The following TTC7B variants were observed in gnomAD, a reference collection of about 807,000 sequenced individuals.
TTC7B encodes the protein tetratricopeptide repeat domain 7B, also known as tetratricopeptide repeat protein 7B.
Under a neutral mutation model 106.8 loss-of-function variants are expected in TTC7B, and 28 were observed. That is an observed-to-expected ratio of 0.26 (90% CI 0.19 to 0.36). TTC7B has a LOEUF of 0.36. Ranked by LOEUF, TTC7B falls within the 10% of genes least tolerant of loss-of-function variation. The pLI is 1.00. For missense variants in TTC7B, 862 were observed against 1,076.4 expected, an observed-to-expected ratio of 0.80 and a Z score of 2.79; for synonymous variants, 405 against 430.6, an observed-to-expected ratio of 0.94 and a Z score of 0.74.
intron 1 of TTC7B, among the ~76,000 whole-genome samples, chr14:90,799,932 C>T (rs1004506882): frequency 1.3e-5 from 2 of 152,058 alleles, no homozygotes; most frequent in Non-Finnish European, 2.9e-5. Context: ...TGGGGTCATG[C>T]CATTCTCCTG....
chr14:90,537,168 G>A lies in TTC7B; in HGVS notation c.*4200C>T, dbSNP rs1216891094. 6.6e-6 allele frequency: 1 copy of A among 152,214 alleles called. No individual in the cohort carries two copies. Among genetic ancestry groups the A allele is most frequent in the African/African-American group, 2.4e-5 (1 of 41,450 alleles). 9.4% of individuals were successfully genotyped at this position (152,214 alleles called of 1,614,324 possible). ...GAATAAATTTGTGTTAAGACGCTAAGTTTGCGGTCATTTAAAATTTTTAAT... is the reference window on the plus strand; with the variant it reads ...GAATAAATTTGTGTTAAGACGCTAAATTTGCGGTCATTTAAAATTTTTAAT... On this transcript the variant is annotated 3_prime_UTR_variant, in exon 20 of 20. Coordinates refer to ENST00000328459, the MANE Select transcript of TTC7B (RefSeq NM_001010854.2).
Position 90,586,099 on chromosome 14 carries a change from C to T in TTC7B, c.2107+7387G>A. Among the ~76,000 whole-genome samples the T allele has an allele frequency of 1.3e-5, 2 of 152,204 alleles. 1 individual carries two copies. Among genetic ancestry groups the T allele is most frequent in the Non-Finnish European group, 2.9e-5 (2 of 68,030 alleles). ...GGAATAGCTTGCCCAGGTATTACTGCTAGTGTGTGGCGGGGCCAGGGTTGT... is the reference window on the plus strand; with the variant it reads ...GGAATAGCTTGCCCAGGTATTACTGTTAGTGTGTGGCGGGGCCAGGGTTGT... On this transcript the variant is annotated intron_variant, in intron 18 of 19. Transcript: ENST00000328459.
chr14:90,590,325 T>C (rs1310286680), intron 18 of TTC7B, among the ~76,000 whole-genome samples: 1 of 152,190 alleles, frequency 6.6e-6, no homozygotes, highest in Admixed American at 6.5e-5. Context: ...TCTGCTACAA[T>C]AGATTTCTCT....
At chr14:90,694,677 A>ATT (rs1312321683) in intron 6 of TTC7B, among the ~76,000 whole-genome samples, 7 of 97,796 alleles carry the variant, frequency 7.2e-5, no homozygotes, top group African/African-American at 2.2e-4. Context: ...ATATATGTAT[A>ATT]TTTTTATTTT....
At chr14:90,697,699 G>T (rs571999442) in intron 5 of TTC7B, 1 of 152,152 alleles carries the variant, frequency 6.6e-6, no homozygotes, top group African/African-American at 2.4e-5. Context: ...GATCAATGAC[G>T]GGTAGAGAAA....
chr14:90,661,733 T>C (rs1886216180), intron 9 of TTC7B, among the ~76,000 whole-genome samples: 1 of 151,874 alleles, frequency 6.6e-6, no homozygotes, highest in African/African-American at 2.4e-5. Context: ...ACTAAGTACT[T>C]AAACATTTAT....
At chr14:90,542,002 C>T (rs940219283) in intron 19 of TTC7B, among the ~76,000 whole-genome samples, 15 of 152,266 alleles carry the variant, frequency 9.9e-5, no homozygotes, top group East Asian at 7.7e-4. Context: ...TGCAGTGGCG[C>T]GATCTTGGCT....
intron 3 of TTC7B, chr14:90,766,693 A>C: frequency 7.1e-7 from 1 of 1,415,846 alleles, no homozygotes; most frequent in Non-Finnish European, 1.0e-6. Flanking sequence ...CTGCACCAAG[A>C]GGGCGGGAGA....
intron 18 of TTC7B, among the ~76,000 whole-genome samples, chr14:90,584,354 C>A (rs1234760140): frequency 6.6e-6 from 1 of 152,226 alleles, no homozygotes; most frequent in Non-Finnish European, 1.5e-5. Flanking sequence ...TGTCAAGCCC[C>A]TGCTTCATGT....
intron 5 of TTC7B, among the ~76,000 whole-genome samples, chr14:90,722,255 C>G (rs546826495): frequency 8.0e-4 from 122 of 152,260 alleles, no homozygotes; most frequent in Non-Finnish European, 1.5e-3. Context: ...CTGTCCCTCC[C>G]GGCTCTATCC....
intron 17 of TTC7B, among the ~76,000 whole-genome samples, chr14:90,604,376 T>C (rs1192854368): frequency 1.3e-5 from 2 of 152,238 alleles, no homozygotes; most frequent in Non-Finnish European, 2.9e-5. Flanking sequence ...TCATCTTCCA[T>C]TTCATAAAAC....
chr14:90,739,047 A>G (rs1889658011), intron 4 of TTC7B, among the ~76,000 whole-genome samples: 1 of 152,124 alleles, frequency 6.6e-6, no homozygotes, highest in Admixed American at 6.5e-5. Flanking sequence ...AAAAACACAG[A>G]CAGGAAATAT....
chr14:90,755,373 C>T (rs981483181), intron 3 of TTC7B, among the ~76,000 whole-genome samples: 16 of 152,266 alleles, frequency 1.1e-4, no homozygotes, highest in African/African-American at 3.6e-4. Flanking sequence ...CAGAGCTGGG[C>T]ACAGTGGCTC....
At chr14:90,723,569 T>G (rs1241875813) in intron 5 of TTC7B, among the ~76,000 whole-genome samples, 1 of 152,102 alleles carries the variant, frequency 6.6e-6, no homozygotes, top group Non-Finnish European at 1.5e-5. Context: ...CTCTGCACAT[T>G]TTGCACCCAC....
chr14:90,701,782 A>ATG lies in TTC7B; in HGVS notation c.699-6206_699-6205dup, dbSNP rs34677795. Among the ~76,000 whole-genome samples the ATG allele has an allele frequency of 1.9e-3, 257 of 132,584 alleles. 2 individuals carry two copies. The highest frequency in any genetic ancestry group is 3.8e-3 in the Middle Eastern group (1 of 262). The allele number at this position is 132,584 out of a possible 152,430, so 87.0% of individuals were successfully genotyped here. A position where few individuals can be genotyped will look rare whatever the true frequency, so the allele number is the denominator to read the frequency against. ...TGTGTATATATGTGTATATATGTAT[A>ATG]TGTGTGTGTGTGTGTATATATATAT... is the stretch of plus-strand genomic sequence containing the variant. On this transcript the variant is annotated intron_variant, in intron 5 of 19. Coordinates refer to ENST00000328459, the MANE Select transcript of TTC7B (RefSeq NM_001010854.2).
chr14:90,708,164 A>T, intron 5 of TTC7B, among the ~76,000 whole-genome samples: 1 of 151,506 alleles, frequency 6.6e-6, no homozygotes, highest in Non-Finnish European at 1.5e-5. Context: ...AAAAAAAAAA[A>T]AAAAAAGTGC....
intron 5 of TTC7B, among the ~76,000 whole-genome samples, chr14:90,707,223 A>G (rs1399072522): frequency 6.6e-6 from 1 of 152,202 alleles, no homozygotes; most frequent in Non-Finnish European, 1.5e-5. Context: ...TGATAATACC[A>G]TAATTGTTTG....
intron 5 of TTC7B, among the ~76,000 whole-genome samples, chr14:90,716,604 T>A (rs1888666012): frequency 1.3e-5 from 2 of 152,190 alleles, no homozygotes; most frequent in Non-Finnish European, 2.9e-5. Flanking sequence ...TGTTTTTGTG[T>A]GTGTGTATGT....
At chr14:90,761,494 G>A (rs1392910573) in intron 3 of TTC7B, among the ~76,000 whole-genome samples, 1 of 152,094 alleles carries the variant, frequency 6.6e-6, no homozygotes, top group Non-Finnish European at 1.5e-5. Flanking sequence ...CCATTCCCTT[G>A]CCTGCCACAC....
Sources: allele counts gnomAD v4.1 joint callset (sites outside exome capture counted in the v4.1 genomes callset), GRCh38; gene constraint gnomAD v4.1.1; transcripts MANE v1.5; gene names NCBI Gene and HGNC (gene_info 2026-07-23, HGNC 2026-07-21).